Variants in ARHGAP17 observed in about 807,000 individuals in gnomAD.
ARHGAP17 encodes rho GTPase-activating protein 17.
In ARHGAP17, 57 loss-of-function variants were observed where a neutral mutation model predicts 99.5. The observed-to-expected ratio is 0.57, with a 90% CI of 0.46 to 0.71. The LOEUF is 0.71. Ranked by LOEUF, ARHGAP17 falls within the 30% of genes least tolerant of loss-of-function variation. ARHGAP17 has a pLI of 0.00. For synonymous variants in ARHGAP17, 417 were observed against 429.6 expected (o/e 0.97, Z 0.36); for missense variants, 1,000 against 1,122.4 (o/e 0.89, Z 1.56).
At chr16:24,926,109 G>GA (rs1175708408) in intron 19 of ARHGAP17, among the ~76,000 whole-genome samples, 6,711 of 106,912 alleles carry the variant, frequency 0.063, 662 homozygotes, top group African/African-American at 0.21. Context: ...GACTCCGTCT[G>GA]AAAAAAAAAA....
rs182328739 is a variant in ARHGAP17, at chr16:24,959,661, G to A, written c.724+10C>T. The A allele has an allele frequency of 5.0e-6, 8 of 1,613,320 alleles. No individual in the cohort carries two copies. The South Asian group carries it at 6.6e-5, about 13-fold the overall frequency. ...AGAAGGAAGCATCAGCCGCACGCGGGTTACATTACCTTGATGGGCTCGCAT... is the reference window on the plus strand; with the variant it reads ...AGAAGGAAGCATCAGCCGCACGCGGATTACATTACCTTGATGGGCTCGCAT... On this transcript the variant is annotated intron_variant, in intron 9 of 19. Coordinates refer to ENST00000289968, the MANE Select transcript of ARHGAP17 (RefSeq NM_001006634.3).
intron 1 of ARHGAP17, among the ~76,000 whole-genome samples, chr16:24,997,839 G>A (rs1213763469): frequency 6.6e-6 from 1 of 152,206 alleles, no homozygotes; most frequent in African/African-American, 2.4e-5. Context: ...GAAATGCTGG[G>A]TGAAGGGACC....
chr16:24,965,185 C>T (rs557911777), intron 6 of ARHGAP17, among the ~76,000 whole-genome samples: 2 of 148,834 alleles, frequency 1.3e-5, no homozygotes, highest in South Asian at 2.2e-4. Context: ...AGAAAACCCA[C>T]GTTGGCCGGG....
At chr16:24,932,108 C>CA (rs111457755) in intron 18 of ARHGAP17, among the ~76,000 whole-genome samples, 9,472 of 87,256 alleles carry the variant, frequency 0.11, 946 homozygotes, top group African/African-American at 0.3. Context: ...GAGACCATTT[C>CA]AAAAAAAAAA....
chr16:24,952,350 G>A lies in ARHGAP17; in HGVS notation c.985C>T (p.Arg329Trp), dbSNP rs1226595145. Residue 329 changes from arginine to tryptophan, a missense_variant, in exon 12 of 20, where the codon CGG becomes TGG. This residue lies in a region of ARHGAP17 where 472 missense variants were observed against 611.1 expected (regional missense o/e 0.77). Transcript: ENST00000289968. ...GTCATCAAAGGTTCAGGCAATTCCCGTAAATAGGATTTTAAAGCACCTGAA... is the reference window on the plus strand; with the variant it reads ...GTCATCAAAGGTTCAGGCAATTCCCATAAATAGGATTTTAAAGCACCTGAA... ...AVAGALKSYL[R>W]ELPEPLMTFN... 8 of 1,612,798 alleles carry A rather than the reference G, an allele frequency of 5.0e-6. No homozygotes were observed. The highest frequency in any genetic ancestry group is 2.2e-5 in the East Asian group (1 of 44,740).
In ARHGAP17 at chr16:24,935,545, C is replaced by T. The variant is rs375566256; in HGVS notation, c.1819G>A (p.Ala607Thr). The change falls in exon 18 of 20, where the codon GCT (alanine) becomes ACT (threonine). Residue 607 changes from alanine (A) to threonine (T), a missense_variant. By Grantham distance (58) the Ala-to-Thr change is moderately conservative (BLOSUM62 0). Coordinates refer to ENST00000289968, the MANE Select transcript of ARHGAP17 (RefSeq NM_001006634.3). ...IASGQNQPQA[A>T]AGSHQLSMGQ... ...ATGGAGAGCTGGTGGGAGCCAGCAG[C>T]TGCCTGGGGCTGATTTTGGCCAGAT... 6.2e-7 allele frequency: 1 copy of T among 1,613,954 alleles called. No homozygotes were observed. Among genetic ancestry groups the T allele is most frequent in the Non-Finnish European group, 8.5e-7 (1 of 1,179,998 alleles).
At chr16:24,920,475 G>A (rs921912498) in intron 19 of ARHGAP17, 6 of 524,876 alleles carry the variant, frequency 1.1e-5, no homozygotes, top group East Asian at 3.5e-5. Context: ...TCTGGGCTCC[G>A]ACGTTGCTTG....
At chr16:24,960,482 T>A (rs1236605242) in intron 7 of ARHGAP17, among the ~76,000 whole-genome samples, 1 of 151,666 alleles carries the variant, frequency 6.6e-6, no homozygotes. Flanking sequence ...GAGGTGGTGG[T>A]TGCAGTGAGC....
At chr16:24,961,333 T>C (rs2051990892) in intron 7 of ARHGAP17, among the ~76,000 whole-genome samples, 1 of 151,998 alleles carries the variant, frequency 6.6e-6, no homozygotes, top group Non-Finnish European at 1.5e-5. Flanking sequence ...TCTGACCTAA[T>C]GTAAATGAAT....
chr16:24,960,586 G>C (rs1021102708), intron 7 of ARHGAP17, among the ~76,000 whole-genome samples: 2 of 151,902 alleles, frequency 1.3e-5, no homozygotes, highest in Non-Finnish European at 2.9e-5. Flanking sequence ...GGCAGGCCAA[G>C]GTGGGCGGAT....
intron 16 of ARHGAP17, 81 bp downstream of exon 16, chr16:24,941,906 C>G: frequency 6.3e-7 from 1 of 1,598,256 alleles, no homozygotes; most frequent in Non-Finnish European, 8.5e-7. Flanking sequence ...TCTCAAATCC[C>G]AAGTCCACTG....
At chr16:24,924,758 G>T (rs945060716) in intron 19 of ARHGAP17, among the ~76,000 whole-genome samples, 3 of 152,064 alleles carry the variant, frequency 2.0e-5, no homozygotes, top group African/African-American at 4.8e-5. Flanking sequence ...AGCTACTCAG[G>T]AGGCTGAGGC....
Position 24,949,393 on chromosome 16 carries a change from A to G in ARHGAP17, c.1127+11T>C, listed in dbSNP as rs2141222657. 1.2e-6 allele frequency: 2 copies of G among 1,610,378 alleles called. No individual in the cohort carries two copies. The highest frequency in any genetic ancestry group is 8.5e-7 in the Non-Finnish European group (1 of 1,177,502). ...TTCACTCCAGAGTCATTGTAGCTCAATCATACATACCTAAAGTTAACAAAA... is the reference window on the plus strand; with the variant it reads ...TTCACTCCAGAGTCATTGTAGCTCAGTCATACATACCTAAAGTTAACAAAA... On this transcript the variant is annotated intron_variant, in intron 13 of 19. Coordinates refer to ENST00000289968, the MANE Select transcript of ARHGAP17 (RefSeq NM_001006634.3).
chr16:24,970,442 C>T, intron 4 of ARHGAP17, 65 bp downstream of exon 4: 1 of 1,481,908 alleles, frequency 6.7e-7, no homozygotes. Context: ...CTACATACAC[C>T]ACCTGGCCCA....
At chr16:25,009,446 G>C (rs887817052) in intron 1 of ARHGAP17, among the ~76,000 whole-genome samples, 4 of 152,034 alleles carry the variant, frequency 2.6e-5, no homozygotes, top group Non-Finnish European at 5.9e-5. Flanking sequence ...GAGTGGGTGA[G>C]GGATGCAGAA....
intron 1 of ARHGAP17, among the ~76,000 whole-genome samples, chr16:24,980,570 G>A (rs922652722): frequency 6.6e-6 from 1 of 152,160 alleles, no homozygotes; most frequent in Admixed American, 6.5e-5. Context: ...AAGGTGCCAG[G>A]CATTGCTGAA....
chr16:24,964,823 A>G (rs892294526), intron 6 of ARHGAP17, among the ~76,000 whole-genome samples: 2 of 152,184 alleles, frequency 1.3e-5, no homozygotes, highest in African/African-American at 4.8e-5. Context: ...TAGTGTAGCT[A>G]TGAGGCTGGG....
intron 1 of ARHGAP17, among the ~76,000 whole-genome samples, chr16:24,983,724 G>A (rs1368528636): frequency 6.6e-6 from 1 of 152,116 alleles, no homozygotes; most frequent in Non-Finnish European, 1.5e-5. Flanking sequence ...AATGTTTCCT[G>A]TCTGCAACTG....
At chr16:24,994,024 C>G (rs1485148049) in intron 1 of ARHGAP17, among the ~76,000 whole-genome samples, 1 of 152,152 alleles carries the variant, frequency 6.6e-6, no homozygotes, top group African/African-American at 2.4e-5. Context: ...TGCTGAAAAT[C>G]TGAATAATGG....
Sources: allele counts gnomAD v4.1 joint callset (sites outside exome capture counted in the v4.1 genomes callset), GRCh38; gene constraint gnomAD v4.1.1; regional missense constraint gnomAD v4.1.1; transcripts MANE v1.5; gene names NCBI Gene and HGNC (gene_info 2026-07-23, HGNC 2026-07-21).